EMC2: variants seen among roughly 807,000 people sequenced by gnomAD.
EMC2 encodes the protein TPR repeat protein 35.
In EMC2, 37 loss-of-function variants were observed where a neutral mutation model predicts 51.6. That is an observed-to-expected ratio of 0.72 (90% confidence interval 0.55 to 0.94). EMC2 has a LOEUF of 0.94. EMC2 is among the 40% of genes least tolerant of loss of function. The probability of loss-of-function intolerance (pLI) is 0.00; values close to 1 mark genes in which losing one functional copy is unlikely to be tolerated. For missense variants in EMC2, 359 were observed against 350.9 expected, an observed-to-expected ratio of 1.02 and a Z score of -0.18; for synonymous variants, 131 against 112.4, an observed-to-expected ratio of 1.17 and a Z score of -1.04.
Position 108,480,112 on chromosome 8 carries a change from T to C in EMC2, c.807+1002T>C, listed in dbSNP as rs1057246934. Among the ~76,000 whole-genome samples the C allele has an allele frequency of 9.2e-5, 14 of 152,254 alleles. 1 individual carries two copies. The South Asian group carries it at 2.9e-3, about 32-fold the overall frequency. ...CCATTTAGTACATCAGTTTAGCCCT[T>C]TTATTTGAGAAAAGTTGCTTTTAGA... On this transcript the variant is annotated intron_variant, in intron 10 of 10. Coordinates refer to ENST00000220853, the MANE Select transcript of EMC2 (RefSeq NM_014673.5).
intron 1 of EMC2, among the ~76,000 whole-genome samples, chr8:108,449,136 A>C (rs1033009090): frequency 3.9e-5 from 6 of 152,166 alleles, no homozygotes; most frequent in Non-Finnish European, 7.3e-5. Context: ...TTTAAGAGAC[A>C]GGGGTCTTGC....
At chr8:108,481,081 T>G (rs188634360) in intron 10 of EMC2, among the ~76,000 whole-genome samples, 338 of 152,232 alleles carry the variant, frequency 2.2e-3, no homozygotes, top group African/African-American at 7.6e-3. Context: ...GTCATGCTGC[T>G]CTTGATGACA....
intron 7 of EMC2, chr8:108,474,369 A>G (rs1174022667): frequency 6.6e-6 from 1 of 151,964 alleles, no homozygotes. Context: ...GGTAGAGACA[A>G]ATTTTCCCTT....
intron 10 of EMC2, among the ~76,000 whole-genome samples, chr8:108,480,899 G>A (rs1352757516): frequency 6.6e-6 from 1 of 152,096 alleles, no homozygotes; most frequent in African/African-American, 2.4e-5. Context: ...ATTTATCTTT[G>A]TTTTGGAGCT....
At chr8:108,450,563 T>A in intron 3 of EMC2, 71 bp downstream of exon 3, 1 of 875,850 alleles carries the variant, frequency 1.1e-6, no homozygotes, top group East Asian at 2.4e-5. Context: ...ACTTAATGTA[T>A]GGCTTATATG....
chr8:108,485,487 A>AATATATATAGG (rs1181092646), intron 10 of EMC2, among the ~76,000 whole-genome samples: 11 of 145,040 alleles, frequency 7.6e-5, no homozygotes, highest in South Asian at 2.1e-4. Flanking sequence ...ACATATATAT[A>AATATATATAGG]TAAAATATAT....
intron 3 of EMC2, among the ~76,000 whole-genome samples, chr8:108,452,342 G>A (rs148016281): frequency 1.4e-3 from 207 of 152,232 alleles, no homozygotes; most frequent in African/African-American, 4.5e-3. Flanking sequence ...CAAGGCAGGC[G>A]GATCACCTGA....
chr8:108,461,347 T>C (rs1167401297), intron 5 of EMC2, among the ~76,000 whole-genome samples: 4 of 152,234 alleles, frequency 2.6e-5, no homozygotes, highest in Non-Finnish European at 4.4e-5. Flanking sequence ...GCAGTGTGCA[T>C]GGTAGTGAGA....
chr8:108,472,597 A>T (rs367640455), intron 7 of EMC2, among the ~76,000 whole-genome samples: 1 of 151,772 alleles, frequency 6.6e-6, no homozygotes, highest in Non-Finnish European at 1.5e-5. Flanking sequence ...CTGGAAATGC[A>T]TATCTACAGG....
At chr8:108,482,757 A>C (rs185236164) in intron 10 of EMC2, among the ~76,000 whole-genome samples, 67 of 151,582 alleles carry the variant, frequency 4.4e-4, no homozygotes, top group African/African-American at 1.6e-3. Context: ...CTAACTTTTA[A>C]ATTTTTTGTA....
intron 5 of EMC2, among the ~76,000 whole-genome samples, chr8:108,466,793 A>G (rs940153449): frequency 6.6e-6 from 1 of 151,974 alleles, no homozygotes; most frequent in African/African-American, 2.4e-5. Flanking sequence ...GTGTGCCCTA[A>G]ATGAGACCCA....
chr8:108,449,053 C>G (rs1315268456), intron 1 of EMC2, among the ~76,000 whole-genome samples: 1 of 152,154 alleles, frequency 6.6e-6, no homozygotes, highest in Non-Finnish European at 1.5e-5. Flanking sequence ...TTATTTAATT[C>G]CCAGCTACCA....
At chr8:108,473,560 CATTT>C (rs1810897020) in intron 7 of EMC2, among the ~76,000 whole-genome samples, 2 of 152,084 alleles carry the variant, frequency 1.3e-5, no homozygotes, top group East Asian at 3.9e-4. Flanking sequence ...TTTTTTACTT[CATTT>C]GTTATTGAAA....
At chr8:108,471,675 T>C (rs1286014844) in intron 7 of EMC2, among the ~76,000 whole-genome samples, 1 of 151,984 alleles carries the variant, frequency 6.6e-6, no homozygotes, top group Non-Finnish European at 1.5e-5. Context: ...TATTATTTCA[T>C]CTTACTAATT....
In EMC2 at chr8:108,450,425, T is replaced by C; in HGVS notation, c.155-3T>C. 6.3e-7 allele frequency: 1 copy of C among 1,581,466 alleles called. No homozygotes were observed. The highest frequency in any genetic ancestry group is 8.7e-7 in the Non-Finnish European group (1 of 1,150,524). ...GTTTTTTTCCCCCTTTATGTGTATC[T>C]AGTTTGGATCATATATGAACAGGTG... is the stretch of plus-strand genomic sequence containing the variant. On this transcript the variant is annotated splice_polypyrimidine_tract_variant and splice_region_variant and intron_variant, in intron 2 of 10. Transcript: ENST00000220853.
intron 5 of EMC2, among the ~76,000 whole-genome samples, chr8:108,459,721 A>AGAGAGAGAGAGTGTGTGTGTGT (rs763020311): frequency 1.5e-5 from 2 of 136,968 alleles, no homozygotes; most frequent in African/African-American, 5.9e-5. Context: ...AGAGAGAGAG[A>AGAGAGAGAGAGTGTGTGTGTGT]GTGTGTGTGT....
rs73699826 is a variant in EMC2 at position 108,477,290 on chromosome 8, A to G, written c.702+398A>G. 5.3e-3 allele frequency among the ~76,000 whole-genome samples: 811 copies of G among 152,120 alleles called. 5 individuals are homozygous for G. Among genetic ancestry groups the G allele is most frequent in the African/African-American group, 0.018 (757 of 41,528 alleles). ...AAAATACATTAGAAATCAAATCCCTAATACATCAAATTAAAACATTTTTTA... is the reference window on the plus strand; with the variant it reads ...AAAATACATTAGAAATCAAATCCCTGATACATCAAATTAAAACATTTTTTA... On this transcript the variant is annotated intron_variant, in intron 9 of 10. Coordinates refer to ENST00000220853, the MANE Select transcript of EMC2 (RefSeq NM_014673.5).
intron 5 of EMC2, among the ~76,000 whole-genome samples, chr8:108,456,847 G>A (rs1002983499): frequency 4.0e-5 from 6 of 151,890 alleles, no homozygotes; most frequent in African/African-American, 9.7e-5. Context: ...TTATTTCCAC[G>A]CACACATATG....
At chr8:108,458,318 A>G (rs1056842678) in intron 5 of EMC2, among the ~76,000 whole-genome samples, 7 of 152,264 alleles carry the variant, frequency 4.6e-5, no homozygotes, top group African/African-American at 1.7e-4. Flanking sequence ...CTTTTCTCAC[A>G]GCTCCATTAG....
Sources: gnomAD v4.1 joint callset for allele counts (sites outside exome capture counted in the v4.1 genomes callset) on GRCh38, gnomAD v4.1.1 for gene constraint, MANE v1.5 for transcripts, NCBI Gene and HGNC (gene_info 2026-07-23, HGNC 2026-07-21) for gene names.